CAST: variants seen among roughly 807,000 people sequenced by gnomAD.
CAST encodes the protein calpastatin.
A neutral mutation model predicts 119.6 loss-of-function variants in CAST; 76 were observed. The ratio of observed to expected loss-of-function variants is 0.64; its 90% CI spans 0.53 to 0.77. The LOEUF (loss-of-function observed/expected upper bound fraction) is 0.77. Ranked by LOEUF, CAST falls within the 30% of genes least tolerant of loss-of-function variation. The pLI, the probability that CAST is intolerant of heterozygous loss-of-function variation, is 0.00. For synonymous variants in CAST, 319 were observed against 331.6 expected, an observed-to-expected ratio of 0.96 and a Z score of 0.41; for missense variants, 953 against 946.5, an observed-to-expected ratio of 1.01 and a Z score of -0.09.
the CAST span, among the ~76,000 whole-genome samples, chr5:96,480,689 T>C: frequency 6.6e-6 from 1 of 151,944 alleles, no homozygotes; most frequent in African/African-American, 2.4e-5. Flanking sequence ...GAAAGAGTGG[T>C]TTAAAAGGTT....
the CAST span, among the ~76,000 whole-genome samples, chr5:96,090,598 G>A: frequency 2.0e-5 from 3 of 151,066 alleles, no homozygotes; most frequent in African/African-American, 4.9e-5. Context: ...TTCACTTTCC[G>A]GAAGAGGTTG....
In CAST at chr5:96,729,215, T is replaced by C; in HGVS notation, c.435+6T>C. ...AGCCAAAAGAACACACAGAGGTAAA[T>C]GATTATCATCAGGACTTAATTATAA... On this transcript the variant is annotated splice_donor_region_variant and intron_variant, in intron 7 of 31. Coordinates refer to ENST00000675179, the MANE Select transcript of CAST (RefSeq NM_001750.7). 1 of 1,536,978 alleles carries C rather than the reference T, an allele frequency of 6.5e-7. No homozygotes were observed. Among genetic ancestry groups the C allele is most frequent in the Non-Finnish European group, 9.0e-7 (1 of 1,111,780 alleles).
the CAST span, among the ~76,000 whole-genome samples, chr5:96,086,121 A>C: frequency 6.6e-6 from 1 of 152,200 alleles, no homozygotes; most frequent in African/African-American, 2.4e-5. Flanking sequence ...TATAATATCT[A>C]ATACAATGTA....
At chr5:96,236,356 G>A in the CAST span, among the ~76,000 whole-genome samples, 90 of 152,226 alleles carry the variant, frequency 5.9e-4, no homozygotes, top group Admixed American at 4.1e-3. Flanking sequence ...ACCCTGACCT[G>A]GTCCCCCGTG....
intron 1 of CAST, among the ~76,000 whole-genome samples, chr5:96,546,011 T>A (rs2150180990): frequency 6.6e-6 from 1 of 152,314 alleles, no homozygotes; most frequent in African/African-American, 2.4e-5. Context: ...TGTGAATACA[T>A]TAGTTTTTTG....
At chr5:96,489,997 C>T in the CAST span, among the ~76,000 whole-genome samples, 1 of 152,228 alleles carries the variant, frequency 6.6e-6, no homozygotes, top group Non-Finnish European at 1.5e-5. Context: ...CAGCTGTAGA[C>T]TGGACTTTGT....
At chr5:96,624,116 G>T (rs1747670676) in intron 1 of CAST, among the ~76,000 whole-genome samples, 1 of 152,176 alleles carries the variant, frequency 6.6e-6, no homozygotes, top group South Asian at 2.1e-4. Context: ...TTATCCATGT[G>T]CTACACCAGG....
rs373534202 is a variant in CAST at position 96,762,252 on chromosome 5, A to G, written c.1834-22A>G. On this transcript the variant is annotated intron_variant, in intron 24 of 31. Coordinates refer to ENST00000675179, the MANE Select transcript of CAST (RefSeq NM_001750.7). ...TAATTTTATATACAACATGTTACTA[A>G]TAAAATTTTTTTCAATAAAAGAAAT... 6.2e-4 allele frequency: 951 copies of G among 1,542,792 alleles called. 1 individual carries two copies. Among genetic ancestry groups the G allele is most frequent in the Non-Finnish European group, 8.2e-4 (925 of 1,125,868 alleles).
At chr5:96,103,682 G>A in the CAST span, among the ~76,000 whole-genome samples, 1 of 151,866 alleles carries the variant, frequency 6.6e-6, no homozygotes, top group African/African-American at 2.4e-5. Context: ...TGTCTTTATA[G>A]CAGCATGATT....
intron 3 of CAST, chr5:96,702,723 G>A (rs1253881446): frequency 1.0e-6 from 1 of 971,452 alleles, no homozygotes; most frequent in Non-Finnish European, 1.2e-6. Context: ...ACGCATCCCG[G>A]GCTCCCGGGG....
At chr5:96,373,994 C>T in the CAST span, among the ~76,000 whole-genome samples, 1 of 152,088 alleles carries the variant, frequency 6.6e-6, no homozygotes, top group Non-Finnish European at 1.5e-5. Context: ...GATGTTTTGC[C>T]TGTTCTGATT....
chr5:96,079,342 T>A, the CAST span: 1 of 296,106 alleles, frequency 3.4e-6, no homozygotes, highest in Non-Finnish European at 6.9e-6. Context: ...TGATTCAATA[T>A]CCTGGCAAGG....
At chr5:96,073,747 G>T in the CAST span, among the ~76,000 whole-genome samples, 2 of 152,180 alleles carry the variant, frequency 1.3e-5, no homozygotes, top group African/African-American at 2.4e-5. Context: ...AGCTCAGGCG[G>T]TAATGCTCAT....
the CAST span, among the ~76,000 whole-genome samples, chr5:96,440,258 G>A: frequency 6.6e-6 from 1 of 151,362 alleles, no homozygotes; most frequent in Non-Finnish European, 1.5e-5. Flanking sequence ...AGGGTTTGGA[G>A]CTTCTCTCTT....
At chr5:96,487,011 C>A in the CAST span, among the ~76,000 whole-genome samples, 1 of 152,202 alleles carries the variant, frequency 6.6e-6, no homozygotes, top group African/African-American at 2.4e-5. Flanking sequence ...CACTTGTGGA[C>A]CTTAACTGGG....
At chr5:96,442,903 A>C in the CAST span, among the ~76,000 whole-genome samples, 1 of 151,654 alleles carries the variant, frequency 6.6e-6, no homozygotes, top group African/African-American at 2.4e-5. Context: ...TATTGTCATC[A>C]CCGTCATTCT....
intron 3 of CAST, among the ~76,000 whole-genome samples, chr5:96,701,470 TCAA>T (rs951689557): frequency 1.2e-4 from 18 of 151,902 alleles, no homozygotes; most frequent in African/African-American, 3.6e-4. Flanking sequence ...ATACTAATGA[TCAA>T]CAACAACAAC....
At chr5:96,602,610 C>T (rs1337062117) in intron 1 of CAST, among the ~76,000 whole-genome samples, 2 of 152,066 alleles carry the variant, frequency 1.3e-5, no homozygotes, top group Non-Finnish European at 2.9e-5. Context: ...ATTATCTAGG[C>T]GTGGTGGTGC....
At chr5:96,515,595 T>C in the CAST span, among the ~76,000 whole-genome samples, 2 of 152,166 alleles carry the variant, frequency 1.3e-5, no homozygotes, top group African/African-American at 4.8e-5. Context: ...TTCTGTTTTC[T>C]CCTAGACTCA....
Sources: gnomAD v4.1 joint callset for allele counts (sites outside exome capture counted in the v4.1 genomes callset) on GRCh38, gnomAD v4.1.1 for gene constraint, MANE v1.5 for transcripts, NCBI Gene and HGNC (gene_info 2026-07-23, HGNC 2026-07-21) for gene names.